PVT1: variants seen among roughly 807,000 people sequenced by gnomAD.
The protein encoded by PVT1 is Pvt1 oncogene, also known as CXCR4/PVT1 fusion.
chr8:127,924,719 G>T (rs1159726664), intron 3 of PVT1, among the ~76,000 whole-genome samples: 3 of 152,042 alleles, frequency 2.0e-5, no homozygotes, highest in East Asian at 1.9e-4. Flanking sequence ...CGCCGTGTTA[G>T]CCAGGATGGT....
At chr8:127,921,544 GCTCCTGC>G (rs1225891216) in intron 3 of PVT1, among the ~76,000 whole-genome samples, 2 of 152,184 alleles carry the variant, frequency 1.3e-5, no homozygotes, top group Non-Finnish European at 2.9e-5. Context: ...GGGCACAGTG[GCTCCTGC>G]CTGTAATCCC....
chr8:127,957,960 G>A (rs1816591268), intron 3 of PVT1, among the ~76,000 whole-genome samples: 1 of 152,232 alleles, frequency 6.6e-6, no homozygotes, highest in African/African-American at 2.4e-5. Context: ...TCTTGGCCAT[G>A]GTTTCTAATT....
chr8:127,911,286 G>A (rs1185314822), intron 3 of PVT1, among the ~76,000 whole-genome samples: 5 of 152,236 alleles, frequency 3.3e-5, no homozygotes, highest in African/African-American at 7.2e-5. Flanking sequence ...TCCTGGGCCT[G>A]TGTCAGTTGA....
chr8:127,951,413 G>A (rs1273936970), intron 3 of PVT1, among the ~76,000 whole-genome samples: 2 of 152,188 alleles, frequency 1.3e-5, no homozygotes, highest in African/African-American at 2.4e-5. Flanking sequence ...AGGAAACCCA[G>A]GGCAAGGCCA....
chr8:127,880,250 CTG>C (rs1815450026), intron 2 of PVT1, among the ~76,000 whole-genome samples: 1 of 152,188 alleles, frequency 6.6e-6, no homozygotes, highest in African/African-American at 2.4e-5. Flanking sequence ...CACGTGAACA[CTG>C]TCTGTGTAGC....
At chr8:127,853,215 G>A (rs1815124010) in intron 2 of PVT1, among the ~76,000 whole-genome samples, 1 of 152,124 alleles carries the variant, frequency 6.6e-6, no homozygotes, top group Non-Finnish European at 1.5e-5. Context: ...CCAGCAGGAG[G>A]CCGGGGAAAG....
chr8:127,919,615 C>T (rs185855936), intron 3 of PVT1, among the ~76,000 whole-genome samples: 81 of 152,316 alleles, frequency 5.3e-4, no homozygotes, highest in Admixed American at 4.6e-4. Context: ...GTGGAAAGGA[C>T]GCTGGACTGA....
At chr8:127,872,794 G>T (rs1057059302) in intron 2 of PVT1, among the ~76,000 whole-genome samples, 3 of 152,200 alleles carry the variant, frequency 2.0e-5, no homozygotes, top group African/African-American at 7.2e-5. Flanking sequence ...CACTGTCAAA[G>T]GCCATCATGA....
chr8:127,950,984 G>A (rs1360331100), intron 3 of PVT1, among the ~76,000 whole-genome samples: 4 of 152,090 alleles, frequency 2.6e-5, no homozygotes, highest in South Asian at 2.1e-4. Flanking sequence ...TGCAACCTCC[G>A]CCTCCCGGAT....
chr8:128,082,791 G>C (rs1007593002), intron 5 of PVT1: 4 of 152,186 alleles, frequency 2.6e-5, no homozygotes, highest in Non-Finnish European at 5.9e-5. Context: ...CAGCCATCTG[G>C]TAATTATGAG....
chr8:127,935,962 G>C (rs1484228913), intron 3 of PVT1, among the ~76,000 whole-genome samples: 1 of 151,936 alleles, frequency 6.6e-6, no homozygotes, highest in Non-Finnish European at 1.5e-5. Flanking sequence ...GGCCACGTGA[G>C]GGTGGAAGTG....
At chr8:128,019,232 A>AT (rs1222546446) in intron 4 of PVT1, among the ~76,000 whole-genome samples, 1 of 152,218 alleles carries the variant, frequency 6.6e-6, no homozygotes, top group African/African-American at 2.4e-5. Flanking sequence ...TTTTATGTTA[A>AT]TTTTTTACAT....
rs1195931893 is a variant in PVT1, at chr8:127,921,852, ATGT to A, written n.782+30856_782+30858del. On this transcript the variant is annotated intron_variant and non_coding_transcript_variant, in intron 3 of 10. Coordinates refer to ENST00000651587, the Ensembl canonical transcript of PVT1. ...TTAAAAAAATTATAATTTTTGGTTC[ATGT>A]TTTTTTTTTTTTTTTTTTTTTTTGA... 2.5e-3 allele frequency among the ~76,000 whole-genome samples: 206 copies of A among 82,026 alleles called. 2 individuals carry two copies. The highest frequency in any genetic ancestry group is 7.6e-3 in the African/African-American group (193 of 25,302). The allele number at this position is 82,026 out of a possible 152,430, so 53.8% of individuals were successfully genotyped here. A position where few individuals can be genotyped will look rare whatever the true frequency, so the allele number is the denominator to read the frequency against.
chr8:127,956,546 G>T (rs550959225), intron 3 of PVT1, among the ~76,000 whole-genome samples: 1 of 152,228 alleles, frequency 6.6e-6, no homozygotes, highest in African/African-American at 2.4e-5. Flanking sequence ...GTGCAGTGGC[G>T]TGATCTCGGC....
chr8:127,959,765 A>G (rs1189891865), intron 3 of PVT1, among the ~76,000 whole-genome samples: 5 of 152,114 alleles, frequency 3.3e-5, no homozygotes, highest in Non-Finnish European at 7.3e-5. Flanking sequence ...GCTGAGAACA[A>G]ACCGGTTAGG....
intron 3 of PVT1, among the ~76,000 whole-genome samples, chr8:127,910,103 C>G (rs1301571924): frequency 2.0e-5 from 3 of 152,068 alleles, no homozygotes; most frequent in Admixed American, 6.5e-5. Flanking sequence ...CGTCCGTCCT[C>G]ATCCTGCTAT....
intron 3 of PVT1, among the ~76,000 whole-genome samples, chr8:127,984,859 T>C (rs957035856): frequency 0.031 from 1,802 of 58,042 alleles, 89 homozygotes; most frequent in South Asian, 0.066. Context: ...CTTTCTTTCT[T>C]TCTTTCTTTC....
chr8:128,091,640 G>T (rs1814354884), intron 5 of PVT1, among the ~76,000 whole-genome samples: 2 of 152,304 alleles, frequency 1.3e-5, no homozygotes, highest in Non-Finnish European at 1.5e-5. Context: ...AAACAGCTGG[G>T]TTCAATCCTG....
At chr8:127,869,660 C>A (rs190754247) in intron 2 of PVT1, among the ~76,000 whole-genome samples, 220 of 152,254 alleles carry the variant, frequency 1.4e-3, no homozygotes, top group African/African-American at 5.1e-3. Flanking sequence ...TCATAACCTG[C>A]AAGCTTGAGA....
Sources: allele counts gnomAD v4.1 joint callset (sites outside exome capture counted in the v4.1 genomes callset), GRCh38; gene constraint gnomAD v4.1.1; transcripts MANE v1.5; gene names NCBI Gene and HGNC (gene_info 2026-07-23, HGNC 2026-07-21).